The following BBS9 variants were observed in gnomAD, a reference collection of about 807,000 sequenced individuals.
BBS9 encodes protein PTHB1.
A neutral mutation model predicts 117.7 loss-of-function variants in BBS9; 89 were observed. The ratio of observed to expected loss-of-function variants is 0.76; its 90% CI spans 0.64 to 0.90. The LOEUF is 0.90. BBS9 is among the 40% of genes least tolerant of loss of function. The pLI, the probability that BBS9 is intolerant of heterozygous loss-of-function variation, is 0.00. For missense variants in BBS9, 982 were observed against 1,042.2 expected, an observed-to-expected ratio of 0.94 and a Z score of 0.80; for synonymous variants, 379 against 370.9, an observed-to-expected ratio of 1.02 and a Z score of -0.25.
chr7:33,494,623 C>T (rs1490140851), intron 19 of BBS9, among the ~76,000 whole-genome samples: 1 of 152,144 alleles, frequency 6.6e-6, no homozygotes, highest in Non-Finnish European at 1.5e-5. Flanking sequence ...ACTTCCCTTA[C>T]CCAAGTAGTG....
chr7:33,356,983 A>G (rs1003012744), intron 15 of BBS9, among the ~76,000 whole-genome samples: 9 of 151,840 alleles, frequency 5.9e-5, no homozygotes, highest in African/African-American at 1.9e-4. Flanking sequence ...ACAGAGTTCT[A>G]GAAAAAAGGA....
At chr7:33,527,225 G>T (rs1223863441) in intron 20 of BBS9, among the ~76,000 whole-genome samples, 1 of 152,252 alleles carries the variant, frequency 6.6e-6, no homozygotes, top group Non-Finnish European at 1.5e-5. Context: ...TGCCCCCAGA[G>T]GTGGAGCCTA....
chr7:33,195,475 C>A (rs1364298209), intron 5 of BBS9, among the ~76,000 whole-genome samples: 1 of 151,932 alleles, frequency 6.6e-6, no homozygotes, highest in African/African-American at 2.4e-5. Context: ...CCTGGGTTCA[C>A]CCTTAGTCAC....
rs773877760 is a variant in BBS9 at position 33,270,841 on chromosome 7, A to C, written c.703-2171A>C. Among the ~76,000 whole-genome samples, 7 of 152,302 alleles carry C rather than the reference A, an allele frequency of 4.6e-5. No individual in the cohort carries two copies. In the East Asian group the frequency reaches 1.2e-3, roughly 25 times the overall value. ...AACCTCACTAGAGAGGCTGATATTCAAATTCGGGAAATGCAGAGAACCCCT... is the reference window on the plus strand; with the variant it reads ...AACCTCACTAGAGAGGCTGATATTCCAATTCGGGAAATGCAGAGAACCCCT... On this transcript the variant is annotated intron_variant, in intron 7 of 22. Transcript: ENST00000242067.
At chr7:33,246,757 T>C (rs1027775412) in intron 5 of BBS9, among the ~76,000 whole-genome samples, 1 of 152,074 alleles carries the variant, frequency 6.6e-6, no homozygotes, top group African/African-American at 2.4e-5. Flanking sequence ...TAAGAAAATA[T>C]CAATATTGGG....
chr7:33,493,671 A>T (rs1025111977), intron 19 of BBS9, among the ~76,000 whole-genome samples: 2 of 152,128 alleles, frequency 1.3e-5, no homozygotes, highest in Non-Finnish European at 2.9e-5. Flanking sequence ...ACTGGGGCGG[A>T]TTGGACAATA....
At position 33,468,121 on chromosome 7, in the gene BBS9, A is replaced by T. The variant is rs144920142; in HGVS notation, c.2116-37342A>T. On this transcript the variant is annotated intron_variant, in intron 19 of 22. Coordinates refer to ENST00000242067, the MANE Select transcript of BBS9 (RefSeq NM_198428.3). The stretch of plus-strand genomic sequence containing the variant: ...CTTTTACTCTAGTGTTCTAGAAAAT[A>T]GTAGGAGGAAGAAGATGAAAAGAGA... Among the ~76,000 whole-genome samples the T allele has an allele frequency of 2.4e-3, 362 of 152,290 alleles. 2 individuals are homozygous for T. The highest frequency in any genetic ancestry group is 1.9e-3 in the Non-Finnish European group (131 of 68,012).
At chr7:33,307,995 G>A (rs1212601086) in intron 9 of BBS9, among the ~76,000 whole-genome samples, 1 of 152,182 alleles carries the variant, frequency 6.6e-6, no homozygotes, top group African/African-American at 2.4e-5. Flanking sequence ...GGCCTAAGTC[G>A]AAAACCAGGT....
chr7:33,435,918 G>T (rs1266151345), intron 19 of BBS9, among the ~76,000 whole-genome samples: 5 of 152,146 alleles, frequency 3.3e-5, no homozygotes, highest in African/African-American at 1.2e-4. Context: ...GTACTCTGAA[G>T]AATTACCAGT....
chr7:33,566,129 C>T (rs1029044363), intron 21 of BBS9, among the ~76,000 whole-genome samples: 2 of 151,406 alleles, frequency 1.3e-5, no homozygotes, highest in Admixed American at 6.6e-5. Flanking sequence ...TCTATACTCA[C>T]ACCTTCACAT....
chr7:33,319,923 A>C (rs1234818611), intron 9 of BBS9, among the ~76,000 whole-genome samples: 1 of 152,236 alleles, frequency 6.6e-6, no homozygotes, highest in African/African-American at 2.4e-5. Context: ...AGTTCTCAAA[A>C]GAAGATATAC....
intron 19 of BBS9, among the ~76,000 whole-genome samples, chr7:33,395,337 C>G (rs1827771020): frequency 6.6e-6 from 1 of 152,148 alleles, no homozygotes; most frequent in South Asian, 2.1e-4. Flanking sequence ...AATAAATTCT[C>G]TATTTTATTA....
chr7:33,529,876 G>C (rs906880054), intron 20 of BBS9, among the ~76,000 whole-genome samples: 1 of 152,122 alleles, frequency 6.6e-6, no homozygotes, highest in Admixed American at 6.5e-5. Flanking sequence ...AAAAGATAAA[G>C]GTTAGGTATG....
At chr7:33,608,483 A>G (rs1585468819), downstream of BBS9, among the ~76,000 whole-genome samples, 1 of 152,232 alleles carries the variant, frequency 6.6e-6, no homozygotes, top group African/African-American at 2.4e-5. Flanking sequence ...TGGCTGAACT[A>G]ATTTACATTT....
chr7:33,290,298 G>A (rs550485683), intron 9 of BBS9, among the ~76,000 whole-genome samples: 1 of 152,302 alleles, frequency 6.6e-6, no homozygotes, highest in African/African-American at 2.4e-5. Context: ...GGGCTGGTGT[G>A]TGAGTGATCA....
intron 21 of BBS9, among the ~76,000 whole-genome samples, chr7:33,600,645 A>G (rs1372267879): frequency 4.6e-5 from 7 of 152,138 alleles, no homozygotes; most frequent in Admixed American, 2.0e-4. Context: ...GCCACACCCC[A>G]CTGCATCCAG....
In BBS9 at chr7:33,173,977, G is replaced by A. The variant is rs77789185; in HGVS notation, c.329-3501G>A. ...ATTTCCAAGAGCTAAACTTTATACCGCCTGCAATATTTCCATTTACTACCA... is the reference window on the plus strand; with the variant it reads ...ATTTCCAAGAGCTAAACTTTATACCACCTGCAATATTTCCATTTACTACCA... On this transcript the variant is annotated intron_variant, in intron 4 of 22. Coordinates refer to ENST00000242067, the MANE Select transcript of BBS9 (RefSeq NM_198428.3). Among the ~76,000 whole-genome samples, 2,785 of 152,128 alleles carry A rather than the reference G, an allele frequency of 0.018. 231 individuals are homozygous for A. The East Asian group carries it at 0.28, about 15-fold the overall frequency.
At chr7:33,449,669 T>G (rs1236747004) in intron 19 of BBS9, among the ~76,000 whole-genome samples, 1 of 152,204 alleles carries the variant, frequency 6.6e-6, no homozygotes, top group Non-Finnish European at 1.5e-5. Context: ...AAAGACATTT[T>G]CAGGACATAT....
At chr7:33,606,948 G>A (rs987692781), downstream of BBS9, among the ~76,000 whole-genome samples, 4 of 151,986 alleles carry the variant, frequency 2.6e-5, no homozygotes, top group African/African-American at 9.7e-5. Context: ...TAATGGAATG[G>A]GGAAATGAAT....
Sources: gnomAD v4.1 joint callset for allele counts (sites outside exome capture counted in the v4.1 genomes callset) on GRCh38, gnomAD v4.1.1 for gene constraint, MANE v1.5 for transcripts, NCBI Gene and HGNC (gene_info 2026-07-23, HGNC 2026-07-21) for gene names.